The following SOX5 variants were observed in gnomAD, a reference collection of about 807,000 sequenced individuals.
SOX5 encodes the protein transcription factor SOX-5.
Under a neutral mutation model 92.0 loss-of-function variants are expected in SOX5, and 9 were observed. That is an observed-to-expected ratio of 0.10 (90% CI 0.06 to 0.17). The LOEUF (loss-of-function observed/expected upper bound fraction) is 0.17, where lower values mean the gene tolerates loss of function less well. Ranked by LOEUF, SOX5 falls within the 10% of genes least tolerant of loss-of-function variation. The pLI is 1.00. For synonymous variants in SOX5, 344 were observed against 336.3 expected (o/e 1.02, Z -0.25); for missense variants, 642 against 944.5 (o/e 0.68, Z 4.20).
chr12:24,196,289 A>T (rs902348082), intron 4 of SOX5, among the ~76,000 whole-genome samples: 3 of 152,252 alleles, frequency 2.0e-5, no homozygotes, highest in Non-Finnish European at 2.9e-5. Context: ...GTTTGTAATT[A>T]AAAAATCATA....
At chr12:23,679,741 T>C (rs1043024004) in intron 6 of SOX5, among the ~76,000 whole-genome samples, 1 of 152,130 alleles carries the variant, frequency 6.6e-6, no homozygotes, top group African/African-American at 2.4e-5. Context: ...ATTTAGATAC[T>C]CTGATTCCCA....
At chr12:24,071,142 A>G (rs1941710392) in intron 4 of SOX5, among the ~76,000 whole-genome samples, 1 of 152,230 alleles carries the variant, frequency 6.6e-6, no homozygotes, top group African/African-American at 2.4e-5. Context: ...TTCTGCATTT[A>G]TTATACTTAA....
intron 10 of SOX5, among the ~76,000 whole-genome samples, chr12:23,567,298 A>T (rs546015503): frequency 4.2e-4 from 64 of 152,256 alleles, no homozygotes; most frequent in Admixed American, 2.0e-4. Context: ...TGTGTATAGG[A>T]GAGGTTTGGT....
At chr12:24,328,557 A>T (rs1387909666) in intron 2 of SOX5, among the ~76,000 whole-genome samples, 1 of 152,210 alleles carries the variant, frequency 6.6e-6, no homozygotes, top group African/African-American at 2.4e-5. Flanking sequence ...GCTTGGTTTG[A>T]TATTTCTCTA....
At chr12:24,547,207 C>T (rs1156493737) in intron 1 of SOX5, among the ~76,000 whole-genome samples, 25 of 112,392 alleles carry the variant, frequency 2.2e-4, no homozygotes, top group South Asian at 5.8e-4. Context: ...TTTTTTGAGA[C>T]GGAGTCTCGC....
intron 6 of SOX5, among the ~76,000 whole-genome samples, chr12:23,711,372 A>T (rs1361686675): frequency 6.6e-6 from 1 of 152,160 alleles, no homozygotes; most frequent in African/African-American, 2.4e-5. Context: ...TTTTGGCATA[A>T]TTTTTGTCAA....
intron 4 of SOX5, among the ~76,000 whole-genome samples, chr12:23,753,719 C>G (rs923499722): frequency 6.6e-6 from 1 of 151,756 alleles, no homozygotes; most frequent in Admixed American, 6.6e-5. Flanking sequence ...AGGAAAACTA[C>G]ATTCCTGGGC....
At chr12:24,460,085 G>T (rs1668630620) in intron 1 of SOX5, among the ~76,000 whole-genome samples, 1 of 152,176 alleles carries the variant, frequency 6.6e-6, no homozygotes, top group Non-Finnish European at 1.5e-5. Context: ...TATCTGTATT[G>T]ATATCAGAAA....
chr12:23,956,827 A>T (rs1946348284), intron 4 of SOX5, among the ~76,000 whole-genome samples: 1 of 152,080 alleles, frequency 6.6e-6, no homozygotes, highest in South Asian at 2.1e-4. Context: ...CTTGGATTAC[A>T]AACACATGCC....
At chr12:23,874,540 C>T (rs2096907178) in intron 2 of SOX5, among the ~76,000 whole-genome samples, 1 of 152,050 alleles carries the variant, frequency 6.6e-6, no homozygotes, top group South Asian at 2.1e-4. Flanking sequence ...AGGTTCCATC[C>T]AGTAAAGACT....
At chr12:23,640,766 G>T in intron 8 of SOX5, 46 bp downstream of exon 8, 1 of 1,379,750 alleles carries the variant, frequency 7.2e-7, no homozygotes, top group Non-Finnish European at 1.0e-6. Context: ...AGCTGTTTTC[G>T]ATATTTACTT....
At chr12:23,634,032 A>G (rs954604858) in intron 8 of SOX5, among the ~76,000 whole-genome samples, 1 of 152,158 alleles carries the variant, frequency 6.6e-6, no homozygotes, top group Non-Finnish European at 1.5e-5. Context: ...GGGGCAAGAA[A>G]AAACATCAAG....
intron 8 of SOX5, among the ~76,000 whole-genome samples, chr12:23,635,070 G>A (rs2079047850): frequency 6.6e-6 from 1 of 152,138 alleles, no homozygotes; most frequent in African/African-American, 2.4e-5. Context: ...CATTCTACCA[G>A]CAATGTGAGA....
In SOX5 at chr12:23,570,925, AAAAAAATATATATATATAT is replaced by A. The variant is rs1383217650; in HGVS notation, c.1342+4717_1342+4735del. 3.4e-4 allele frequency among the ~76,000 whole-genome samples: 12 copies of A among 35,726 alleles called. No individual in the cohort carries two copies. The East Asian group carries it at 5.8e-3, about 17-fold the overall frequency. 23.4% of individuals were successfully genotyped at this position (35,726 alleles called of 152,430 possible). A position where few individuals can be genotyped will look rare whatever the true frequency, so the allele number is the denominator to read the frequency against. On this transcript the variant is annotated intron_variant, in intron 10 of 14. Transcript: ENST00000451604. Reference sequence around the variant, plus strand: ...GACTCCAACTCAAAAAAAAAAAAAAAAAAAAATATATATATATATATATATATATATATATATATATATA... The same window carrying A: ...GACTCCAACTCAAAAAAAAAAAAAAAATATATATATATATATATATATATA...
Position 24,444,307 on chromosome 12 carries a change from C to T in SOX5, c.-250-75668G>A, listed in dbSNP as rs556567527. Among the ~76,000 whole-genome samples the T allele has an allele frequency of 1.4e-3, 191 of 139,868 alleles. 1 individual carries two copies. The highest frequency in any genetic ancestry group is 4.2e-3 in the African/African-American group (156 of 37,222). The allele number at this position is 139,868 out of a possible 152,430, so 91.8% of individuals were successfully genotyped here. A position where few individuals can be genotyped will look rare whatever the true frequency, so the allele number is the denominator to read the frequency against. On this transcript the variant is annotated intron_variant, in intron 1 of 4. Coordinates refer to the SOX5 transcript ENST00000446891. ...GTGTGTGTGTGTGTGTGTGTGTGCA[C>T]CCATGCACGTGTGTGATTATCCCTA...
intron 1 of SOX5, among the ~76,000 whole-genome samples, chr12:24,478,842 A>G (rs1044780482): frequency 6.6e-6 from 1 of 152,194 alleles, no homozygotes; most frequent in Non-Finnish European, 1.5e-5. Flanking sequence ...AATTCTACTT[A>G]TATATGCCAA....
chr12:24,323,787 T>C (rs1950425369), intron 2 of SOX5, among the ~76,000 whole-genome samples: 1 of 152,234 alleles, frequency 6.6e-6, no homozygotes, highest in Non-Finnish European at 1.5e-5. Flanking sequence ...CCTAGTATGC[T>C]GGTTTTAATT....
intron 2 of SOX5, among the ~76,000 whole-genome samples, chr12:24,301,915 A>G (rs1006044048): frequency 6.6e-6 from 1 of 152,176 alleles, no homozygotes; most frequent in Admixed American, 6.5e-5. Flanking sequence ...ATCAGTTCTG[A>G]TGAGACAAGA....
intron 6 of SOX5, among the ~76,000 whole-genome samples, chr12:23,681,880 G>A (rs1225220386): frequency 4.0e-5 from 6 of 151,702 alleles, no homozygotes; most frequent in Admixed American, 3.9e-4. Context: ...TCAATTAACA[G>A]GAAGACATAA....
Sources: allele counts gnomAD v4.1 joint callset (sites outside exome capture counted in the v4.1 genomes callset), GRCh38; gene constraint gnomAD v4.1.1; transcripts MANE v1.5; gene names NCBI Gene and HGNC (gene_info 2026-07-23, HGNC 2026-07-21).